Variants in IFT74 observed in about 807,000 individuals in gnomAD.
The protein encoded by IFT74 is intraflagellar transport protein 74 homolog.
Under a neutral mutation model 96.7 loss-of-function variants are expected in IFT74, and 92 were observed. The ratio of observed to expected loss-of-function variants is 0.95; its 90% CI spans 0.80 to 1.13. IFT74 has a LOEUF of 1.13. Ranked by LOEUF, IFT74 falls within the 50% of genes most tolerant of loss-of-function variation. IFT74 has a pLI of 0.00. For missense variants in IFT74, 811 were observed against 698.2 expected (o/e 1.16, Z -1.82); for synonymous variants, 223 against 213.2 (o/e 1.05, Z -0.40).
intron 19 of IFT74, among the ~76,000 whole-genome samples, 186 bp from the exon 20 acceptor site, chr9:27,062,432 G>C (rs933545893): frequency 6.6e-6 from 1 of 152,120 alleles, no homozygotes; most frequent in African/African-American, 2.4e-5. Flanking sequence ...TTTGCGGTAA[G>C]TTTAGCTTGG....
rs1265269114 is a variant in IFT74 at position 27,009,017 on chromosome 9, T to G, written c.588-3T>G. ...CAGGAATATTACGTGCTTCTGATTT[T>G]AGGAAAGAAAAACAAATCAGAAGTG... On this transcript the variant is annotated splice_region_variant and splice_polypyrimidine_tract_variant and intron_variant, in intron 8 of 19. Transcript: ENST00000380062. 1.2e-6 allele frequency: 2 copies of G among 1,609,446 alleles called. No homozygotes were observed. Among genetic ancestry groups the G allele is most frequent in the African/African-American group, 2.7e-5 (2 of 74,704 alleles).
intron 2 of IFT74, among the ~76,000 whole-genome samples, chr9:26,968,276 T>C (rs1230483451): frequency 7.9e-5 from 12 of 151,826 alleles, no homozygotes; most frequent in Admixed American, 7.9e-4. Context: ...TTTTTTTTTT[T>C]TTTGAGATGT....
chr9:26,999,074 G>A (rs1410842250), intron 8 of IFT74, among the ~76,000 whole-genome samples: 5 of 152,120 alleles, frequency 3.3e-5, no homozygotes, highest in Admixed American at 1.3e-4. Flanking sequence ...ACAGCTCAAA[G>A]TTTGGTGTTT....
intron 15 of IFT74, 103 bp from the exon 16 acceptor site, chr9:27,048,045 C>A: frequency 1.4e-6 from 1 of 696,920 alleles, no homozygotes; most frequent in Non-Finnish European, 2.2e-6. Flanking sequence ...AAAAAAATAC[C>A]TGATCCAAAC....
In IFT74 at chr9:27,056,455, C is replaced by G. The variant is rs1308029535; in HGVS notation, c.1619C>G (p.Ser540Cys). The G allele has an allele frequency of 6.3e-7, 1 of 1,591,178 alleles. No homozygotes were observed. The change falls in exon 18 of 20, where the codon TCT becomes TGT. Residue 540 changes from serine (S) to cysteine (C), a missense_variant. Coordinates refer to ENST00000380062, the MANE Select transcript of IFT74 (RefSeq NM_025103.4). ...CAATTGCAAGAAAATGAGACACATTCTCAGGTAAAAAATGTTTTAAATGAC... is the reference window on the plus strand; with the variant it reads ...CAATTGCAAGAAAATGAGACACATTGTCAGGTAAAAAATGTTTTAAATGAC... ...KTQLQENETH[S>C]QLTNLERKWQ... is the part of the protein sequence containing the mutation.
At chr9:26,968,132 CT>C (rs1826708727) in intron 2 of IFT74, among the ~76,000 whole-genome samples, 1 of 148,876 alleles carries the variant, frequency 6.7e-6, no homozygotes, top group Non-Finnish European at 1.5e-5. Flanking sequence ...GCATTTTCTC[CT>C]CTTCTATTTC....
chr9:27,029,116 G>T lies in IFT74; in HGVS notation c.1054+12G>T. The T allele has an allele frequency of 6.3e-7, 1 of 1,580,400 alleles. No individual in the cohort carries two copies. On this transcript the variant is annotated intron_variant, in intron 13 of 19. Coordinates refer to ENST00000380062, the MANE Select transcript of IFT74 (RefSeq NM_025103.4). ...AGAGGAACACCAAGGTATGCTTCTG[G>T]TATTTTTATAATGTAGATTAACAGA...
chr9:26,993,159 A>C (rs895671691), intron 8 of IFT74: 1 of 152,162 alleles, frequency 6.6e-6, no homozygotes, highest in Non-Finnish European at 1.5e-5. Flanking sequence ...GTGTAGTCAG[A>C]TATTTATTGA....
At chr9:27,052,996 T>C (rs1254066595) in intron 16 of IFT74, among the ~76,000 whole-genome samples, 1 of 151,962 alleles carries the variant, frequency 6.6e-6, no homozygotes, top group Non-Finnish European at 1.5e-5. Flanking sequence ...CCCGAGTAGC[T>C]GGGACTACAG....
intron 12 of IFT74, 27 bp from the exon 13 acceptor site, chr9:27,028,998 T>C (rs1424835462): frequency 1.3e-6 from 2 of 1,548,432 alleles, no homozygotes; most frequent in South Asian, 2.4e-5. Context: ...ATTTCCTTCA[T>C]AAATTCATTA....
chr9:27,023,609 A>T (rs563726103), intron 12 of IFT74, among the ~76,000 whole-genome samples: 1 of 152,122 alleles, frequency 6.6e-6, no homozygotes, highest in South Asian at 2.1e-4. Flanking sequence ...ATGTTGGTCC[A>T]TAGTTTTCTT....
intron 1 of IFT74, among the ~76,000 whole-genome samples, chr9:26,956,791 G>A (rs373715141): frequency 1.1e-4 from 16 of 152,334 alleles, no homozygotes; most frequent in Non-Finnish European, 1.5e-4. Flanking sequence ...AAGGATTTTA[G>A]TCAAAGCAAT....
At position 27,011,916 on chromosome 9, in the gene IFT74, C is replaced by G. The variant is rs376362664; in HGVS notation, c.737C>G (p.Thr246Arg). ...TTTTTTTCCACTTAGGAATTAGATACACTTCAACAACAATTGGATTCACAG... is the reference window on the plus strand; with the variant it reads ...TTTTTTTCCACTTAGGAATTAGATAGACTTCAACAACAATTGGATTCACAG... ...TNEKLLQELD[T>R]LQQQLDSQNM... Residue 246 changes from threonine to arginine, a missense_variant, in exon 10 of 20, where the codon ACA becomes AGA. Coordinates refer to ENST00000380062, the MANE Select transcript of IFT74 (RefSeq NM_025103.4). 1.1e-5 allele frequency: 17 copies of G among 1,562,818 alleles called. No individual in the cohort carries two copies. Among genetic ancestry groups the G allele is most frequent in the Non-Finnish European group, 1.5e-5 (17 of 1,155,430 alleles).
intron 12 of IFT74, among the ~76,000 whole-genome samples, chr9:27,026,537 C>T (rs779621708): frequency 1.3e-5 from 2 of 152,128 alleles, no homozygotes; most frequent in African/African-American, 2.4e-5. Flanking sequence ...TGTTCATCAG[C>T]ACATGGGACG....
chr9:26,960,778 T>G (rs1406123897), intron 1 of IFT74, among the ~76,000 whole-genome samples: 1 of 152,038 alleles, frequency 6.6e-6, no homozygotes, highest in Non-Finnish European at 1.5e-5. Context: ...ATGTTTGAGG[T>G]GAAGCAATTC....
At chr9:27,027,418 A>C (rs1414863184) in intron 12 of IFT74, among the ~76,000 whole-genome samples, 1 of 152,186 alleles carries the variant, frequency 6.6e-6, no homozygotes, top group Non-Finnish European at 1.5e-5. Flanking sequence ...TTTCTATGTA[A>C]TATAATAAGA....
intron 16 of IFT74, among the ~76,000 whole-genome samples, chr9:27,049,818 C>T (rs1313789120): frequency 1.3e-5 from 2 of 152,086 alleles, no homozygotes; most frequent in Non-Finnish European, 2.9e-5. Flanking sequence ...GTCATGCTTG[C>T]TATCATGAGA....
chr9:26,973,373 C>A (rs1196008332), intron 2 of IFT74, among the ~76,000 whole-genome samples: 1 of 152,146 alleles, frequency 6.6e-6, no homozygotes, highest in Non-Finnish European at 1.5e-5. Flanking sequence ...CTCTCAATTA[C>A]AGGCTTTAAC....
At chr9:27,048,398 T>C (rs904449241) in intron 16 of IFT74, 124 bp downstream of exon 16, 19 of 626,298 alleles carry the variant, frequency 3.0e-5, no homozygotes, top group East Asian at 5.9e-5. Flanking sequence ...CCCAGAATTA[T>C]GTGTGGCTTT....
Sources: gnomAD v4.1 joint callset for allele counts (sites outside exome capture counted in the v4.1 genomes callset) on GRCh38, gnomAD v4.1.1 for gene constraint, MANE v1.5 for transcripts, NCBI Gene and HGNC (gene_info 2026-07-23, HGNC 2026-07-21) for gene names.